The following ATP9B variants were observed in gnomAD, a reference collection of about 807,000 sequenced individuals.
ATP9B encodes the protein probable phospholipid-transporting ATPase IIB.
Under a neutral mutation model 146.1 loss-of-function variants are expected in ATP9B, and 110 were observed. The ratio of observed to expected loss-of-function variants is 0.75; its 90% CI spans 0.65 to 0.88. The LOEUF is 0.88. Ranked by LOEUF, ATP9B falls within the 40% of genes least tolerant of loss-of-function variation. The probability of loss-of-function intolerance (pLI) is 0.00; values close to 1 mark genes in which losing one functional copy is unlikely to be tolerated. For missense variants in ATP9B, 1,499 were observed against 1,496.4 expected, an observed-to-expected ratio of 1.00 and a Z score of -0.03; for synonymous variants, 604 against 569.7, an observed-to-expected ratio of 1.06 and a Z score of -0.86.
chr18:79,132,935 C>CA (rs755543758), intron 5 of ATP9B, among the ~76,000 whole-genome samples: 9 of 152,222 alleles, frequency 5.9e-5, no homozygotes, highest in Non-Finnish European at 1.0e-4. Flanking sequence ...TTATCACAAT[C>CA]ACACTGAAAT....
intron 5 of ATP9B, among the ~76,000 whole-genome samples, chr18:79,141,506 A>T (rs2094513649): frequency 1.3e-5 from 2 of 152,230 alleles, no homozygotes. Context: ...GTTTTAAGAA[A>T]AAAATATGTC....
At chr18:79,177,723 TTTC>T (rs2095195987) in intron 8 of ATP9B, among the ~76,000 whole-genome samples, 1 of 152,190 alleles carries the variant, frequency 6.6e-6, no homozygotes, top group African/African-American at 2.4e-5. Context: ...AGTGTTTTTC[TTTC>T]TTCTATTTTC....
chr18:79,133,807 A>T (rs1484466976), intron 5 of ATP9B, among the ~76,000 whole-genome samples: 1 of 152,166 alleles, frequency 6.6e-6, no homozygotes, highest in Non-Finnish European at 1.5e-5. Flanking sequence ...ACTAAAGCGG[A>T]CTGAGGTCTG....
chr18:79,157,852 GTAA>G (rs2094818713), intron 7 of ATP9B, among the ~76,000 whole-genome samples: 5 of 152,156 alleles, frequency 3.3e-5, no homozygotes, highest in African/African-American at 1.2e-4. Flanking sequence ...TGGTAGTAAT[GTAA>G]CCTCCTTTGT....
chr18:79,334,329 C>T (rs1412634312), intron 17 of ATP9B, among the ~76,000 whole-genome samples: 3 of 151,946 alleles, frequency 2.0e-5, no homozygotes, highest in African/African-American at 7.3e-5. Flanking sequence ...TGCACTCCAG[C>T]CTGGGTGACA....
At chr18:79,375,220 C>T (rs1368200817) in intron 28 of ATP9B, among the ~76,000 whole-genome samples, 174 bp from the exon 29 acceptor site, 1 of 152,196 alleles carries the variant, frequency 6.6e-6, no homozygotes, top group Non-Finnish European at 1.5e-5. Flanking sequence ...GATGTTTAAA[C>T]AGTTGTATGG....
chr18:79,269,111 G>T (rs1468716000), intron 12 of ATP9B, among the ~76,000 whole-genome samples: 1 of 152,160 alleles, frequency 6.6e-6, no homozygotes, highest in Non-Finnish European at 1.5e-5. Flanking sequence ...ATTCTAGAAA[G>T]TCCGCCATCA....
chr18:79,157,473 G>A (rs991099812), intron 7 of ATP9B, among the ~76,000 whole-genome samples: 13 of 136,136 alleles, frequency 9.5e-5, no homozygotes, highest in African/African-American at 3.4e-4. Flanking sequence ...TGTTATTTTT[G>A]TTTTGGTGTC....
rs541113473 is a variant in ATP9B at position 79,372,003 on chromosome 18, G to A, written c.3013-822G>A. Among the ~76,000 whole-genome samples the A allele has an allele frequency of 1.2e-4, 19 of 152,346 alleles. No individual in the cohort carries two copies. The South Asian group carries it at 1.9e-3, about 15-fold the overall frequency. On this transcript the variant is annotated intron_variant, in intron 26 of 29. Coordinates refer to ENST00000426216, the MANE Select transcript of ATP9B (RefSeq NM_198531.5). ...TCTGTGTAACTGAGAAAATAGATGC[G>A]AAGGTGTCAAACAAAGGCCTCACAT...
At chr18:79,073,201 G>A (rs1049146857) in intron 1 of ATP9B, among the ~76,000 whole-genome samples, 2 of 152,156 alleles carry the variant, frequency 1.3e-5, no homozygotes, top group African/African-American at 2.4e-5. Flanking sequence ...GCCAGGCAGA[G>A]ACGCTCCTCA....
intron 11 of ATP9B, among the ~76,000 whole-genome samples, chr18:79,219,091 G>A (rs926585151): frequency 6.6e-6 from 1 of 152,166 alleles, no homozygotes; most frequent in African/African-American, 2.4e-5. Context: ...AGTGTGCTGG[G>A]GACAGAGAAG....
At chr18:79,155,333 T>A (rs2094757940) in intron 7 of ATP9B, among the ~76,000 whole-genome samples, 1 of 152,174 alleles carries the variant, frequency 6.6e-6, no homozygotes, top group Admixed American at 6.5e-5. Context: ...TGACCTGAGC[T>A]TTCAAAAATA....
intron 7 of ATP9B, among the ~76,000 whole-genome samples, chr18:79,167,086 C>G (rs755836015): frequency 1.3e-5 from 2 of 152,154 alleles, no homozygotes; most frequent in Non-Finnish European, 2.9e-5. Flanking sequence ...ACCGCAGATC[C>G]CCAAAGAGGA....
chr18:79,284,008 A>G (rs2096407166), intron 13 of ATP9B, among the ~76,000 whole-genome samples: 1 of 152,162 alleles, frequency 6.6e-6, no homozygotes, highest in Non-Finnish European at 1.5e-5. Flanking sequence ...CACTAAAACA[A>G]CAGGTTTTTT....
intron 8 of ATP9B, among the ~76,000 whole-genome samples, chr18:79,181,045 A>C (rs2095246654): frequency 6.6e-6 from 1 of 151,622 alleles, no homozygotes; most frequent in Admixed American, 6.6e-5. Context: ...TCCTGACCTC[A>C]GATGATCCGC....
At chr18:79,169,186 T>C (rs2095031659) in intron 7 of ATP9B, among the ~76,000 whole-genome samples, 1 of 152,154 alleles carries the variant, frequency 6.6e-6, no homozygotes, top group African/African-American at 2.4e-5. Flanking sequence ...TTTCCGTATC[T>C]TCCAAGTGGT....
intron 11 of ATP9B, among the ~76,000 whole-genome samples, chr18:79,218,550 G>C (rs1280965335): frequency 6.7e-6 from 1 of 149,448 alleles, no homozygotes; most frequent in Non-Finnish European, 1.5e-5. Context: ...TTCCTTGTCT[G>C]ATGCAGGCTG....
In ATP9B at chr18:79,307,080, G is replaced by C. The variant is rs201351448; in HGVS notation, c.1619G>C (p.Arg540Pro). Residue 540 changes from arginine (R) to proline (P), a missense_variant, in exon 15 of 30, where the codon CGA becomes CCA. Physicochemically the swap from Arg to Pro is moderately radical, Grantham distance 103. Transcript: ENST00000426216. ...APKVRKSVSS[R>P]IHEAVKAIVL... ...AAAGTTAGGAAAAGTGTCAGTAGTC[G>C]AATCCATGAAGCCGTGAAAGCCATC... 1.3e-5 allele frequency: 21 copies of C among 1,614,180 alleles called. No homozygotes were observed. Among genetic ancestry groups the C allele is most frequent in the South Asian group, 2.2e-5 (2 of 91,076 alleles).
intron 4 of ATP9B, among the ~76,000 whole-genome samples, chr18:79,124,435 G>A (rs2094246117): frequency 6.6e-6 from 1 of 152,280 alleles, no homozygotes; most frequent in South Asian, 2.1e-4. Flanking sequence ...GGTGTCTTCA[G>A]TGGAAACCAT....
Sources: gnomAD v4.1 joint callset for allele counts (sites outside exome capture counted in the v4.1 genomes callset) on GRCh38, gnomAD v4.1.1 for gene constraint, MANE v1.5 for transcripts, NCBI Gene and HGNC (gene_info 2026-07-23, HGNC 2026-07-21) for gene names.